DLG2: variants seen among roughly 807,000 people sequenced by gnomAD.
DLG2 encodes discs large MAGUK scaffold protein 2.
Under a neutral mutation model 132.5 loss-of-function variants are expected in DLG2, and 45 were observed. That is an observed-to-expected ratio of 0.34 (90% CI 0.27 to 0.44). DLG2 has a LOEUF of 0.44. Ranked by LOEUF, DLG2 falls within the 20% of genes least tolerant of loss-of-function variation. The probability of loss-of-function intolerance (pLI) is 1.00; values close to 1 mark genes in which losing one functional copy is unlikely to be tolerated. For missense variants in DLG2, 1,045 were observed against 1,196.9 expected, an observed-to-expected ratio of 0.87 and a Z score of 1.87; for synonymous variants, 424 against 419.6, an observed-to-expected ratio of 1.01 and a Z score of -0.13.
chr11:85,285,398 G>A (rs776180473), intron 3 of DLG2, 33 bp from the exon 4 acceptor site: 3 of 1,598,820 alleles, frequency 1.9e-6, no homozygotes, highest in Non-Finnish European at 2.6e-6. Context: ...GCATCAAAAT[G>A]TAATGCATGA....
chr11:84,311,894 T>C (rs890253993), intron 7 of DLG2, among the ~76,000 whole-genome samples: 2 of 152,212 alleles, frequency 1.3e-5, no homozygotes, highest in Non-Finnish European at 2.9e-5. Context: ...CAAAAATTTC[T>C]CTCTTTTTAT....
rs541679050 is a variant in DLG2 at position 83,658,544 on chromosome 11, T to A, written c.1826-25219A>T. ...CTGACACCATTTGACTTTCATTTTT[T>A]TATAAGCGAAATGATTTGCAATGAA... On this transcript the variant is annotated intron_variant, in intron 18 of 27. Transcript: ENST00000376104. Among the ~76,000 whole-genome samples the A allele has an allele frequency of 9.2e-5, 14 of 152,394 alleles. No individual in the cohort carries two copies. The South Asian group carries it at 2.9e-3, about 32-fold the overall frequency.
chr11:85,426,845 T>A (rs1447867541), intron 3 of DLG2, among the ~76,000 whole-genome samples: 2 of 151,818 alleles, frequency 1.3e-5, no homozygotes, highest in Non-Finnish European at 2.9e-5. Context: ...AAGGAGGAAG[T>A]TCAAACCCAT....
chr11:84,945,540 A>T (rs2050089762), intron 6 of DLG2, among the ~76,000 whole-genome samples: 1 of 152,224 alleles, frequency 6.6e-6, no homozygotes, highest in African/African-American at 2.4e-5. Flanking sequence ...GTCTCGCCCA[A>T]GACCCATGTC....
At chr11:83,954,154 G>A (rs910123972) in intron 14 of DLG2, among the ~76,000 whole-genome samples, 2 of 152,112 alleles carry the variant, frequency 1.3e-5, no homozygotes, top group African/African-American at 4.8e-5. Context: ...TTTCTCATTA[G>A]TGTTGCATTT....
At chr11:84,737,906 T>C (rs904438668) in intron 6 of DLG2, among the ~76,000 whole-genome samples, 1 of 152,068 alleles carries the variant, frequency 6.6e-6, no homozygotes, top group Non-Finnish European at 1.5e-5. Context: ...TGAAATATGA[T>C]ATACTAAAAA....
intron 3 of DLG2, among the ~76,000 whole-genome samples, chr11:85,518,035 A>ACT (rs2094203607): frequency 2.0e-5 from 3 of 152,182 alleles, no homozygotes; most frequent in Non-Finnish European, 4.4e-5. Flanking sequence ...GCCATGTGGA[A>ACT]CTGTAAGTCC....
At chr11:85,265,822 G>T (rs1348372116) in intron 4 of DLG2, among the ~76,000 whole-genome samples, 2 of 152,228 alleles carry the variant, frequency 1.3e-5, no homozygotes, top group East Asian at 3.8e-4. Flanking sequence ...GAGGCAGAGA[G>T]ATAACTTGAC....
chr11:83,852,439 A>G (rs1030266305), intron 16 of DLG2, among the ~76,000 whole-genome samples: 3 of 152,218 alleles, frequency 2.0e-5, no homozygotes, highest in African/African-American at 7.2e-5. Flanking sequence ...CTTTCCATAA[A>G]CCTCATTAAT....
rs1171714303 is a variant in DLG2, at chr11:83,850,157, TG to T, written c.1566-16388del. ...GTGTGTGTGTGTGTGTGTGTGTGTG[TG>T]TGTTTTTTTACTTGAGACGGAGTCT... On this transcript the variant is annotated intron_variant, in intron 16 of 27. Coordinates refer to ENST00000376104, the MANE Select transcript of DLG2 (RefSeq NM_001142699.3). 2.1e-3 allele frequency among the ~76,000 whole-genome samples: 267 copies of T among 124,472 alleles called. 2 individuals are homozygous for T. The highest frequency in any genetic ancestry group is 1.0e-2 in the African/African-American group (222 of 22,248). 81.7% of individuals were successfully genotyped at this position (124,472 alleles called of 152,430 possible).
chr11:85,435,056 A>G, intron 3 of DLG2, among the ~76,000 whole-genome samples: 1 of 152,222 alleles, frequency 6.6e-6, no homozygotes, highest in Middle Eastern at 3.2e-3. Context: ...CATAAACAGA[A>G]CCAATGACAA....
chr11:83,897,725 T>C (rs987076886), intron 15 of DLG2, among the ~76,000 whole-genome samples: 25 of 152,028 alleles, frequency 1.6e-4, no homozygotes, highest in Non-Finnish European at 1.0e-4. Flanking sequence ...GTGAATAAAA[T>C]GAAAAACAAG....
intron 7 of DLG2, among the ~76,000 whole-genome samples, chr11:84,295,045 C>G (rs1353445124): frequency 2.6e-5 from 4 of 152,110 alleles, no homozygotes; most frequent in Non-Finnish European, 5.9e-5. Context: ...AATTTCTGAG[C>G]TGTATAATTA....
chr11:84,313,657 G>GAAAGAAAGAA (rs2098323186), intron 7 of DLG2, among the ~76,000 whole-genome samples: 2 of 149,816 alleles, frequency 1.3e-5, no homozygotes, highest in South Asian at 4.2e-4. Flanking sequence ...AAGAAAGAAA[G>GAAAGAAAGAA]AAAGAAAGAA....
At chr11:85,296,697 T>C (rs2079242679) in intron 3 of DLG2, among the ~76,000 whole-genome samples, 1 of 151,442 alleles carries the variant, frequency 6.6e-6, no homozygotes, top group South Asian at 2.1e-4. Context: ...TGAATTTAAA[T>C]GAAAGTCTGT....
intron 19 of DLG2, among the ~76,000 whole-genome samples, chr11:83,542,694 C>A (rs1472890006): frequency 6.6e-6 from 1 of 152,072 alleles, no homozygotes; most frequent in Non-Finnish European, 1.5e-5. Context: ...GAATCAGAAT[C>A]AAAATGATGA....
At chr11:85,487,463 A>G (rs991152869) in intron 3 of DLG2, among the ~76,000 whole-genome samples, 8 of 151,864 alleles carry the variant, frequency 5.3e-5, no homozygotes, top group Non-Finnish European at 7.4e-5. Flanking sequence ...AATTTTACCA[A>G]AAAGATAGGT....
intron 7 of DLG2, among the ~76,000 whole-genome samples, chr11:84,260,385 G>T (rs750436892): frequency 6.6e-6 from 1 of 152,140 alleles, no homozygotes; most frequent in African/African-American, 2.4e-5. Context: ...TCTCCATCCT[G>T]CATGCTCGCC....
chr11:83,708,159 C>A (rs927319481), intron 18 of DLG2, among the ~76,000 whole-genome samples: 1 of 152,100 alleles, frequency 6.6e-6, no homozygotes, highest in Non-Finnish European at 1.5e-5. Flanking sequence ...GAAATTTATT[C>A]TGTGTTTAAG....
Sources: gnomAD v4.1 joint callset for allele counts (sites outside exome capture counted in the v4.1 genomes callset) on GRCh38, gnomAD v4.1.1 for gene constraint, MANE v1.5 for transcripts, NCBI Gene and HGNC (gene_info 2026-07-23, HGNC 2026-07-21) for gene names.